The following NHSL1 variants were observed in gnomAD, a reference collection of about 807,000 sequenced individuals.
NHSL1 encodes the protein NHS-like protein 1.
A neutral mutation model predicts 95.0 loss-of-function variants in NHSL1; 48 were observed. The observed-to-expected ratio is 0.51, with a 90% CI of 0.40 to 0.64. The LOEUF is 0.64. Among genes scored for constraint, NHSL1 ranks in the 30% least tolerant of loss-of-function variants. The pLI, the probability that NHSL1 is intolerant of heterozygous loss-of-function variation, is 0.00. For missense variants in NHSL1, 1,971 were observed against 2,077.7 expected (o/e 0.95, Z 1.00); for synonymous variants, 783 against 833.9 (o/e 0.94, Z 1.05).
At chr6:138,601,576 G>A (rs535889835) in intron 1 of NHSL1, among the ~76,000 whole-genome samples, 5 of 152,126 alleles carry the variant, frequency 3.3e-5, no homozygotes, top group Admixed American at 2.0e-4. Context: ...CACTCTCGGA[G>A]GCCGAGGCGG....
At chr6:138,676,734 A>T (rs1785454092) in intron 1 of NHSL1, among the ~76,000 whole-genome samples, 1 of 152,136 alleles carries the variant, frequency 6.6e-6, no homozygotes, top group Non-Finnish European at 1.5e-5. Context: ...AGCTCACTAC[A>T]ACCTCCACCT....
At chr6:138,594,943 A>T (rs1472012571) in intron 1 of NHSL1, among the ~76,000 whole-genome samples, 1 of 152,140 alleles carries the variant, frequency 6.6e-6, no homozygotes, top group African/African-American at 2.4e-5. Flanking sequence ...ACGTGAGCCC[A>T]GACCCTGTTC....
chr6:138,543,138 C>G (rs1281983903), intron 1 of NHSL1, among the ~76,000 whole-genome samples: 2 of 152,114 alleles, frequency 1.3e-5, no homozygotes, highest in Non-Finnish European at 2.9e-5. Flanking sequence ...CGCTATTAAT[C>G]ATATTATTTG....
At chr6:138,434,865 G>A (rs1332442483) in intron 5 of NHSL1, among the ~76,000 whole-genome samples, 1 of 152,190 alleles carries the variant, frequency 6.6e-6, no homozygotes, top group African/African-American at 2.4e-5. Context: ...AGATAGCAGA[G>A]GGTAGTACTG....
At chr6:138,457,039 C>A (rs917886467) in intron 3 of NHSL1, among the ~76,000 whole-genome samples, 1 of 151,986 alleles carries the variant, frequency 6.6e-6, no homozygotes, top group Non-Finnish European at 1.5e-5. Flanking sequence ...TGCCACCACG[C>A]CTGGCTAATT....
intron 1 of NHSL1, among the ~76,000 whole-genome samples, chr6:138,585,872 G>T (rs73564360): frequency 0.029 from 4,314 of 149,656 alleles, 199 homozygotes; most frequent in African/African-American, 0.1. Flanking sequence ...GCAAGTCCCA[G>T]TCTCTACAAA....
rs12202583 is a variant in NHSL1, at chr6:138,447,721, C to T, written c.340-528G>A. Among the ~76,000 whole-genome samples, 667 of 152,078 alleles carry T rather than the reference C, an allele frequency of 4.4e-3. 2 individuals are homozygous for T. Among genetic ancestry groups the T allele is most frequent in the Non-Finnish European group, 7.7e-3 (524 of 67,990 alleles). On this transcript the variant is annotated intron_variant, in intron 3 of 7. Coordinates refer to ENST00000343505, the MANE Select transcript of NHSL1 (RefSeq NM_001144060.2). ...CCGGGAGGCAGAGGTTGCAGTGAGC[C>T]AAGATTGTGCCACTGCACTCCAGCC...
intron 3 of NHSL1, among the ~76,000 whole-genome samples, chr6:138,465,183 C>T (rs1303319312): frequency 6.6e-6 from 1 of 152,048 alleles, no homozygotes; most frequent in East Asian, 1.9e-4. Context: ...TACCCTAGGC[C>T]TTCACATTCA....
intron 1 of NHSL1, among the ~76,000 whole-genome samples, chr6:138,667,095 G>GCAGC (rs1785305098): frequency 6.6e-6 from 1 of 152,070 alleles, no homozygotes; most frequent in Non-Finnish European, 1.5e-5. Context: ...CTTTCCACTT[G>GCAGC]CAGCCATTAG....
At chr6:138,613,128 C>T (rs528206535) in intron 1 of NHSL1, among the ~76,000 whole-genome samples, 5 of 152,312 alleles carry the variant, frequency 3.3e-5, no homozygotes, top group South Asian at 2.1e-4. Flanking sequence ...AGGTATGGAA[C>T]GCTGCCTCAA....
intron 1 of NHSL1, chr6:138,571,669 A>C (rs943767029): frequency 6.5e-7 from 1 of 1,539,108 alleles, no homozygotes; most frequent in African/African-American, 1.4e-5. Flanking sequence ...TCTACATAAC[A>C]AACTTTTTCA....
At chr6:138,466,165 G>A (rs13192035) in intron 3 of NHSL1, among the ~76,000 whole-genome samples, 40,528 of 151,492 alleles carry the variant, frequency 0.27, 6,356 homozygotes, top group African/African-American at 0.41. Context: ...TCAGTCTCCC[G>A]AATAGCTGGG....
At chr6:138,532,505 G>A (rs1245507400) in intron 1 of NHSL1, among the ~76,000 whole-genome samples, 5 of 152,118 alleles carry the variant, frequency 3.3e-5, no homozygotes, top group Admixed American at 2.6e-4. Flanking sequence ...GTGACCCAAG[G>A]GCTGGAGAGA....
At chr6:138,526,978 C>T (rs1047770854) in intron 1 of NHSL1, among the ~76,000 whole-genome samples, 25 of 152,116 alleles carry the variant, frequency 1.6e-4, no homozygotes, top group Non-Finnish European at 3.2e-4. Flanking sequence ...GCATTTATCC[C>T]GCTTCTTTGG....
intron 1 of NHSL1, among the ~76,000 whole-genome samples, chr6:138,542,178 G>C (rs905797627): frequency 6.6e-6 from 1 of 152,192 alleles, no homozygotes; most frequent in African/African-American, 2.4e-5. Flanking sequence ...GAAGGCGGTA[G>C]GAAGAGGGGC....
chr6:138,541,255 T>A (rs1782568816), intron 1 of NHSL1, among the ~76,000 whole-genome samples: 1 of 152,084 alleles, frequency 6.6e-6, no homozygotes, highest in Admixed American at 6.6e-5. Flanking sequence ...TAGTCCCAGC[T>A]ACTCCGGAGG....
intron 3 of NHSL1, among the ~76,000 whole-genome samples, chr6:138,451,838 C>A (rs576914275): frequency 1.3e-5 from 2 of 152,300 alleles, no homozygotes; most frequent in South Asian, 2.1e-4. Context: ...AAAACAAAAT[C>A]TCCCTTTATG....
At chr6:138,520,618 C>T (rs1012179167) in intron 1 of NHSL1, among the ~76,000 whole-genome samples, 9 of 152,036 alleles carry the variant, frequency 5.9e-5, no homozygotes, top group Non-Finnish European at 1.3e-4. Context: ...TTGTATATAA[C>T]CTTGACCAAG....
chr6:138,535,400 C>T (rs1416042067), intron 1 of NHSL1, among the ~76,000 whole-genome samples: 1 of 151,866 alleles, frequency 6.6e-6, no homozygotes, highest in African/African-American at 2.4e-5. Flanking sequence ...CCCACCTCGA[C>T]AAAAATAAAA....
Sources: allele counts gnomAD v4.1 joint callset (sites outside exome capture counted in the v4.1 genomes callset), GRCh38; gene constraint gnomAD v4.1.1; transcripts MANE v1.5; gene names NCBI Gene and HGNC (gene_info 2026-07-23, HGNC 2026-07-21).